The following HERC1 variants were observed in gnomAD, a reference collection of about 807,000 sequenced individuals.
HERC1 encodes HECT and RLD domain containing E3 ubiquitin protein ligase family member 1.
A neutral mutation model predicts 554.3 loss-of-function variants in HERC1; 160 were observed. The ratio of observed to expected loss-of-function variants is 0.29; its 90% CI spans 0.25 to 0.33. HERC1 has a LOEUF of 0.33. HERC1 is among the 10% of genes least tolerant of loss of function. The pLI is 1.00. For missense variants in HERC1, 4,919 were observed against 5,918.5 expected (o/e 0.83, Z 5.54); for synonymous variants, 2,175 against 2,131.7 (o/e 1.02, Z -0.56).
At chr15:63,768,496 G>A (rs143258169) in intron 2 of HERC1, among the ~76,000 whole-genome samples, 257 of 152,336 alleles carry the variant, frequency 1.7e-3, no homozygotes, top group African/African-American at 5.9e-3. Context: ...CAAATACTTG[G>A]TTGCAACCTC....
chr15:63,796,534 T>C (rs749666256), intron 1 of HERC1, among the ~76,000 whole-genome samples: 29 of 152,212 alleles, frequency 1.9e-4, no homozygotes, highest in Admixed American at 8.5e-4. Context: ...TAGGTCTCAA[T>C]CAATTTAGAA....
chr15:63,730,189 T>TCA (rs1209901111), intron 14 of HERC1, among the ~76,000 whole-genome samples: 1 of 150,190 alleles, frequency 6.7e-6, no homozygotes, highest in Non-Finnish European at 1.5e-5. Context: ...GTGCGGTAGC[T>TCA]CACACCTATA....
chr15:63,634,084 T>A (rs1436533542), intron 66 of HERC1, 114 bp from the exon 67 acceptor site: 1 of 1,156,468 alleles, frequency 8.6e-7, no homozygotes, highest in Non-Finnish European at 1.2e-6. Flanking sequence ...TTTCCAAATA[T>A]CTACAATGGT....
chr15:63,711,040 T>C (rs1309285940), intron 24 of HERC1, among the ~76,000 whole-genome samples: 1 of 152,140 alleles, frequency 6.6e-6, no homozygotes, highest in Admixed American at 6.5e-5. Context: ...TCAAAATTAT[T>C]GCAGGGTTGG....
At chr15:63,826,796 AAAAAAAAAAAAAAAAAAAATATATAT>A (rs1403666044) in intron 1 of HERC1, among the ~76,000 whole-genome samples, 4 of 52,390 alleles carry the variant, frequency 7.6e-5, no homozygotes, top group African/African-American at 3.1e-4. Context: ...AAAAAAAAAA[AAAAAAAAAAAAAAAAAAAATATATAT>A]ATATATATAT....
chr15:63,626,541 A>G (rs1006379903), intron 70 of HERC1, among the ~76,000 whole-genome samples: 3 of 152,196 alleles, frequency 2.0e-5, no homozygotes, highest in Non-Finnish European at 4.4e-5. Context: ...AGGACTAAGT[A>G]GGCAGTTCTG....
intron 50 of HERC1, among the ~76,000 whole-genome samples, chr15:63,655,320 C>G (rs1193964795): frequency 1.3e-5 from 2 of 152,198 alleles, no homozygotes; most frequent in Non-Finnish European, 2.9e-5. Context: ...TGCCACTGCA[C>G]TCCAGTTTGG....
chr15:63,682,972 C>A (rs973687003), intron 34 of HERC1, among the ~76,000 whole-genome samples: 1 of 151,738 alleles, frequency 6.6e-6, no homozygotes, highest in Non-Finnish European at 1.5e-5. Flanking sequence ...CTTATATCTA[C>A]TAAAAACACA....
Position 63,710,501 on chromosome 15 carries a change from G to A in HERC1, c.4584+2274C>T, listed in dbSNP as rs544866745. On this transcript the variant is annotated intron_variant, in intron 24 of 77. Coordinates refer to ENST00000443617, the MANE Select transcript of HERC1 (RefSeq NM_003922.4). ...GACTACCTACCACGTGCTATTATAG[G>A]TGCTTGGGATACAGAAGTGAATAAA... is the stretch of plus-strand genomic sequence containing the variant. 8.5e-5 allele frequency among the ~76,000 whole-genome samples: 13 copies of A among 152,240 alleles called. No homozygotes were observed. In the East Asian group the frequency reaches 2.5e-3, roughly 29 times the overall value.
At chr15:63,620,542 A>G (rs1274003030) in intron 74 of HERC1, among the ~76,000 whole-genome samples, 3 of 151,856 alleles carry the variant, frequency 2.0e-5, no homozygotes, top group Non-Finnish European at 2.9e-5. Flanking sequence ...CAATTCCTGG[A>G]TATCCTTGTT....
chr15:63,737,920 A>C (rs1216520573), intron 12 of HERC1, among the ~76,000 whole-genome samples: 1 of 152,202 alleles, frequency 6.6e-6, no homozygotes, highest in Admixed American at 6.5e-5. Flanking sequence ...TCCAATTTAG[A>C]ATTTTATGCC....
chr15:63,622,782 A>C, intron 74 of HERC1, 33 bp downstream of exon 74: 1 of 1,464,980 alleles, frequency 6.8e-7, no homozygotes, highest in Non-Finnish European at 9.3e-7. Context: ...TTATTATTTT[A>C]GACATATAAT....
rs78084910 is a variant in HERC1 at position 63,734,869 on chromosome 15, G to A, written c.2521-20C>T. ...TACCACCTAATATCAAAAGAGAAAA[G>A]TATACTGATTGGCCTGGTTCTTAGT... On this transcript the variant is annotated intron_variant, in intron 12 of 77. Coordinates refer to ENST00000443617, the MANE Select transcript of HERC1 (RefSeq NM_003922.4). The surrounding 1 kb of genome is among the most constrained non-coding windows in gnomAD (Gnocchi z 4.6). 1.3e-3 allele frequency: 2,037 copies of A among 1,602,406 alleles called. 27 individuals carry two copies. In the African/African-American group the frequency reaches 0.024, roughly 19 times the overall value.
chr15:63,701,889 T>C (rs2072740206), intron 25 of HERC1, among the ~76,000 whole-genome samples: 1 of 152,114 alleles, frequency 6.6e-6, no homozygotes, highest in Admixed American at 6.5e-5. Context: ...AAATATTATA[T>C]CTGAAAAGGG....
chr15:63,635,595 C>G (rs918613943), intron 65 of HERC1, among the ~76,000 whole-genome samples: 1 of 152,178 alleles, frequency 6.6e-6, no homozygotes, highest in Non-Finnish European at 1.5e-5. Flanking sequence ...GTTAACTTAG[C>G]TTTTGTAACA....
chr15:63,746,463 A>G (rs553958968), intron 12 of HERC1, among the ~76,000 whole-genome samples: 1 of 152,318 alleles, frequency 6.6e-6, no homozygotes, highest in Non-Finnish European at 1.5e-5. Context: ...CCTTATTTAT[A>G]ACCAGTATTC....
chr15:63,618,636 C>A (rs2067930974), intron 74 of HERC1, among the ~76,000 whole-genome samples: 2 of 152,198 alleles, frequency 1.3e-5, no homozygotes, highest in Non-Finnish European at 2.9e-5. Context: ...TACCCATGAG[C>A]ATGGAATGTT....
chr15:63,658,640 T>G lies in HERC1; in HGVS notation c.9503A>C (p.His3168Pro), dbSNP rs779464565. 3 of 1,613,944 alleles carry G rather than the reference T, an allele frequency of 1.9e-6. No homozygotes were observed. The highest frequency in any genetic ancestry group is 2.2e-5 in the East Asian group (1 of 44,884). ...TCTCCTTAAAGCCACCACACGGTCA[T>G]GAGGGTTTGCTAGGGCAGCTGCCTG... The part of the protein sequence containing the change: ...GEQAAALANP[H>P]DRVVALRRVT... Residue 3168 changes from histidine (H) to proline (P), a missense_variant, in exon 48 of 78, where the codon CAT (histidine) becomes CCT (proline). Physicochemically the swap from His to Pro is moderately conservative, Grantham distance 77 (BLOSUM62 -2). Around this residue, in one of 11 missense-constraint regions of HERC1, gnomAD observed 1,963 missense variants for 2,228.6 expected, o/e 0.88. Coordinates refer to ENST00000443617, the MANE Select transcript of HERC1 (RefSeq NM_003922.4).
intron 47 of HERC1, among the ~76,000 whole-genome samples, chr15:63,659,080 G>T (rs1189701627): frequency 6.6e-6 from 1 of 151,934 alleles, no homozygotes; most frequent in East Asian, 1.9e-4. Context: ...TCTTTATTTT[G>T]TATTCCCTAT....
Sources: allele counts gnomAD v4.1 joint callset (sites outside exome capture counted in the v4.1 genomes callset), GRCh38; gene constraint gnomAD v4.1.1; regional missense constraint gnomAD v4.1.1; non-coding constraint Gnocchi (gnomAD v3.1); transcripts MANE v1.5; gene names NCBI Gene and HGNC (gene_info 2026-07-23, HGNC 2026-07-21).